The following UNC5D variants were observed in gnomAD, a reference collection of about 807,000 sequenced individuals.
The protein encoded by UNC5D is unc-5 netrin receptor D, also known as netrin receptor UNC5D.
Under a neutral mutation model 105.4 loss-of-function variants are expected in UNC5D, and 39 were observed. The observed-to-expected ratio is 0.37, with a 90% CI of 0.29 to 0.48. The LOEUF is 0.48. Among genes scored for constraint, UNC5D ranks in the 20% least tolerant of loss-of-function variants. UNC5D has a pLI of 0.98. For missense variants in UNC5D, 991 were observed against 1,202.4 expected, an observed-to-expected ratio of 0.82 and a Z score of 2.60; for synonymous variants, 452 against 450.4, an observed-to-expected ratio of 1.00 and a Z score of -0.04.
At chr8:35,354,509 C>G (rs1367369353) in intron 1 of UNC5D, among the ~76,000 whole-genome samples, 1 of 152,058 alleles carries the variant, frequency 6.6e-6, no homozygotes, top group African/African-American at 2.4e-5. Context: ...TTTCATTATG[C>G]ATAATTTATT....
chr8:35,443,237 G>C (rs181891922), intron 1 of UNC5D, among the ~76,000 whole-genome samples: 44 of 151,840 alleles, frequency 2.9e-4, no homozygotes, highest in Non-Finnish European at 5.2e-4. Flanking sequence ...TGTAAAATGT[G>C]TACCTACTGT....
intron 1 of UNC5D, among the ~76,000 whole-genome samples, chr8:35,376,917 A>G (rs950046122): frequency 1.3e-5 from 2 of 152,174 alleles, no homozygotes; most frequent in Admixed American, 1.3e-4. Context: ...TCTTTTTCAT[A>G]AAAGCATCCT....
rs117501581 is a variant in UNC5D, at chr8:35,404,060, T to C, written c.104-145232T>C. 1.2e-3 allele frequency among the ~76,000 whole-genome samples: 180 copies of C among 152,316 alleles called. 4 individuals are homozygous for C. In the East Asian group the frequency reaches 0.032, roughly 27 times the overall value. On this transcript the variant is annotated intron_variant, in intron 1 of 16. Transcript: ENST00000404895. ...GTCCCGCAGATGGTATTCCCTTCTC[T>C]AGCAGCTACTCCCTAACAGCCTGAG...
chr8:35,504,371 C>G (rs1336502414), intron 1 of UNC5D, among the ~76,000 whole-genome samples: 1 of 152,164 alleles, frequency 6.6e-6, no homozygotes, highest in Non-Finnish European at 1.5e-5. Flanking sequence ...GACATTGCCT[C>G]TCATGGGTGC....
chr8:35,371,895 C>T (rs1802447370), intron 1 of UNC5D, among the ~76,000 whole-genome samples: 1 of 152,048 alleles, frequency 6.6e-6, no homozygotes, highest in Non-Finnish European at 1.5e-5. Context: ...TATATTGTCC[C>T]TTTGAATAAA....
At chr8:35,570,451 C>G (rs1281019643) in intron 3 of UNC5D, among the ~76,000 whole-genome samples, 1 of 152,180 alleles carries the variant, frequency 6.6e-6, no homozygotes, top group Non-Finnish European at 1.5e-5. Flanking sequence ...GAGCATTTAT[C>G]AATCATCGGC....
chr8:35,477,071 T>G (rs1181830991), intron 1 of UNC5D, among the ~76,000 whole-genome samples: 1 of 152,192 alleles, frequency 6.6e-6, no homozygotes, highest in African/African-American at 2.4e-5. Flanking sequence ...GTCCTTCTGG[T>G]CTATCTGATG....
At chr8:35,493,281 C>CAAA (rs35199794) in intron 1 of UNC5D, among the ~76,000 whole-genome samples, 7,934 of 66,896 alleles carry the variant, frequency 0.12, 354 homozygotes, top group East Asian at 0.18. Flanking sequence ...AGTCTGTGAC[C>CAAA]AAAAAAAAAA....
intron 1 of UNC5D, among the ~76,000 whole-genome samples, chr8:35,538,398 TATATATATATATATATATA>T: frequency 5.2e-5 from 1 of 19,156 alleles, no homozygotes; most frequent in Middle Eastern, 0.029. Flanking sequence ...AAAATAATTA[TATATATATATATATATATA>T]TATATATATA....
At chr8:35,768,855 T>C (rs1424070579) in intron 15 of UNC5D, among the ~76,000 whole-genome samples, 1 of 152,164 alleles carries the variant, frequency 6.6e-6, no homozygotes, top group Non-Finnish European at 1.5e-5. Flanking sequence ...ATGAGAATAA[T>C]ATTTCAATAT....
chr8:35,548,902 A>G (rs1387178909), intron 1 of UNC5D, among the ~76,000 whole-genome samples: 1 of 152,166 alleles, frequency 6.6e-6, no homozygotes, highest in Middle Eastern at 3.2e-3. Context: ...AACAACATCT[A>G]TTCTCACCAT....
intron 11 of UNC5D, among the ~76,000 whole-genome samples, chr8:35,746,227 C>T (rs200945313): frequency 6.6e-6 from 1 of 152,170 alleles, no homozygotes; most frequent in East Asian, 1.9e-4. Context: ...CTGCCATCAC[C>T]TTGATTGACT....
chr8:35,582,256 G>A (rs1014625245), intron 3 of UNC5D, among the ~76,000 whole-genome samples: 7 of 152,126 alleles, frequency 4.6e-5, no homozygotes, highest in African/African-American at 1.7e-4. Flanking sequence ...AGATCCCCAT[G>A]ATAGCTCCTA....
intron 1 of UNC5D, among the ~76,000 whole-genome samples, chr8:35,538,395 T>TTTTATA (rs1491227026): frequency 2.1e-4 from 17 of 82,434 alleles, no homozygotes; most frequent in African/African-American, 6.0e-4. Context: ...AAAAAAATAA[T>TTTTATA]TATATATATA....
intron 1 of UNC5D, among the ~76,000 whole-genome samples, chr8:35,387,354 C>T (rs1803474222): frequency 8.5e-6 from 1 of 117,300 alleles, no homozygotes; most frequent in Non-Finnish European, 1.7e-5. Flanking sequence ...CACAGCGAGA[C>T]TCCATCTCAA....
chr8:35,537,854 A>C lies in UNC5D; in HGVS notation c.104-11438A>C, dbSNP rs1173321663. On this transcript the variant is annotated intron_variant, in intron 1 of 16. Transcript: ENST00000404895. ...AAGAGGATGGTCACAGGATTTTTTC[A>C]CAGCTTCATTTATTTTTATTTTTAT... Among the ~76,000 whole-genome samples the C allele has an allele frequency of 2.0e-5, 3 of 151,982 alleles. No individual in the cohort carries two copies. In the East Asian group the frequency reaches 5.8e-4, roughly 29 times the overall value.
At chr8:35,665,469 C>A (rs982473864) in intron 4 of UNC5D, among the ~76,000 whole-genome samples, 4 of 152,058 alleles carry the variant, frequency 2.6e-5, no homozygotes, top group African/African-American at 9.7e-5. Context: ...GATGTTACAC[C>A]CAAATAAGAC....
At chr8:35,428,239 G>A (rs1244393852) in intron 1 of UNC5D, among the ~76,000 whole-genome samples, 1 of 151,912 alleles carries the variant, frequency 6.6e-6, no homozygotes, top group Non-Finnish European at 1.5e-5. Flanking sequence ...CTGCACAGTG[G>A]CGCCATCTCA....
intron 1 of UNC5D, among the ~76,000 whole-genome samples, chr8:35,389,347 C>G (rs1256207059): frequency 6.6e-6 from 1 of 152,136 alleles, no homozygotes; most frequent in Non-Finnish European, 1.5e-5. Flanking sequence ...ACCTGAGCCC[C>G]TTGTTAAAAT....
Sources: allele counts gnomAD v4.1 joint callset (sites outside exome capture counted in the v4.1 genomes callset), GRCh38; gene constraint gnomAD v4.1.1; transcripts MANE v1.5; gene names NCBI Gene and HGNC (gene_info 2026-07-23, HGNC 2026-07-21).